ABCB11: variants seen among roughly 807,000 people sequenced by gnomAD.
ABCB11 encodes bile salt export pump.
In ABCB11, 95 loss-of-function variants were observed where a neutral mutation model predicts 148.0. That is an observed-to-expected ratio of 0.64 (90% CI 0.54 to 0.76). The LOEUF (loss-of-function observed/expected upper bound fraction) is 0.76. Among genes scored for constraint, ABCB11 ranks in the 30% least tolerant of loss-of-function variants. The pLI is 0.00. For synonymous variants in ABCB11, 591 were observed against 555.4 expected (o/e 1.06, Z -0.90); for missense variants, 1,523 against 1,617.8 (o/e 0.94, Z 1.01).
Position 168,958,077 on chromosome 2 carries a change from T to A in ABCB11, c.2230A>T (p.Ile744Phe). ...CATTCTGGAGCACTGAATTTCAGAATCCTCCTAACTGGGGCAGGTTCAACT... is the reference window on the plus strand; with the variant it reads ...CATTCTGGAGCACTGAATTTCAGAAACCTCCTAACTGGGGCAGGTTCAACT... ...EEVEPAPVRR[I>F]LKFSAPEWPY... Residue 744 changes from isoleucine (I) to phenylalanine (F), a missense_variant, in exon 19 of 28, where the codon ATT becomes TTT. Coordinates refer to ENST00000650372, the MANE Select transcript of ABCB11 (RefSeq NM_003742.4). 2.5e-6 allele frequency: 4 copies of A among 1,611,288 alleles called. No homozygotes were observed. Among genetic ancestry groups the A allele is most frequent in the Non-Finnish European group, 3.4e-6 (4 of 1,178,226 alleles).
chr2:168,949,250 A>G (rs1692458353), intron 19 of ABCB11, among the ~76,000 whole-genome samples: 1 of 151,646 alleles, frequency 6.6e-6, no homozygotes. Flanking sequence ...GTACAAGCAC[A>G]GATTTCTTAC....
intron 19 of ABCB11, among the ~76,000 whole-genome samples, chr2:168,946,682 G>T (rs1484470498): frequency 1.3e-5 from 2 of 151,504 alleles, no homozygotes; most frequent in African/African-American, 2.4e-5. Context: ...TATAATGATG[G>T]TCTATAGAAC....
chr2:169,020,902 A>T (rs1424092671), intron 1 of ABCB11, among the ~76,000 whole-genome samples: 2 of 152,246 alleles, frequency 1.3e-5, no homozygotes, highest in East Asian at 3.9e-4. Context: ...TTATACCCTC[A>T]AAAGGCTGTT....
chr2:168,926,084 T>C (rs1213394259), intron 26 of ABCB11, among the ~76,000 whole-genome samples: 6 of 152,290 alleles, frequency 3.9e-5, no homozygotes, highest in Non-Finnish European at 7.4e-5. Context: ...TAATCACTTA[T>C]AAAGAAAAAC....
intron 8 of ABCB11, among the ~76,000 whole-genome samples, chr2:168,992,917 A>G (rs763727065): frequency 6.6e-6 from 1 of 152,020 alleles, no homozygotes; most frequent in Non-Finnish European, 1.5e-5. Context: ...GTTAAATTCT[A>G]TTCTCATTTA....
chr2:168,965,368 G>T (rs972941151), intron 17 of ABCB11, among the ~76,000 whole-genome samples: 19 of 151,846 alleles, frequency 1.3e-4, no homozygotes, highest in Non-Finnish European at 2.4e-4. Context: ...AGTATTTAGT[G>T]CTGGGAGCTG....
In ABCB11 at chr2:168,930,019, A is replaced by AG. The variant is rs538286718; in HGVS notation, c.3411+645dup. On this transcript the variant is annotated intron_variant, in intron 25 of 27. Coordinates refer to ENST00000650372, the MANE Select transcript of ABCB11 (RefSeq NM_003742.4). ...TGGAGTGGGAGTGTAAGCATAAAGC[A>AG]GGGGGGTGGCTTTTTATTATAAATA... is the stretch of plus-strand genomic sequence containing the variant. 1.4e-4 allele frequency among the ~76,000 whole-genome samples: 21 copies of AG among 152,296 alleles called. 1 individual carries two copies. The East Asian group carries it at 3.9e-3, about 28-fold the overall frequency.
chr2:168,980,734 T>A (rs189627556), intron 10 of ABCB11, among the ~76,000 whole-genome samples: 24 of 152,232 alleles, frequency 1.6e-4, no homozygotes, highest in Middle Eastern at 3.4e-3. Context: ...GTGGTCAGGT[T>A]CCTGTGCAGA....
intron 9 of ABCB11, 122 bp from the exon 10 acceptor site, chr2:168,986,406 C>T (rs1694327021): frequency 1.2e-6 from 1 of 834,002 alleles, no homozygotes; most frequent in Admixed American, 2.3e-5. Context: ...CACAGAGCAG[C>T]TTCAGGGAGA....
chr2:168,958,044 T>C lies in ABCB11; in HGVS notation c.2263A>G (p.Met755Val). 1 of 1,611,272 alleles carries C rather than the reference T, an allele frequency of 6.2e-7. No individual in the cohort carries two copies. Among genetic ancestry groups the C allele is most frequent in the African/African-American group, 1.3e-5 (1 of 74,804 alleles). ...LKFSAPEWPYMLVGSVGAAVN... is the reference protein window; with the variant it reads ...LKFSAPEWPYVLVGSVGAAVN... Reference sequence around the variant, plus strand: ...GCTGCACCCACAGACCCTACCAGCATGTAGGGCCATTCTGGAGCACTGAAT... The same window carrying C: ...GCTGCACCCACAGACCCTACCAGCACGTAGGGCCATTCTGGAGCACTGAAT... Residue 755 changes from methionine (M) to valine (V), a missense_variant, in exon 19 of 28, where the codon ATG becomes GTG. Met to Val is a conservative substitution (Grantham distance 21). Transcript: ENST00000650372.
chr2:169,024,883 G>A (rs965449190), intron 1 of ABCB11, among the ~76,000 whole-genome samples: 2 of 152,114 alleles, frequency 1.3e-5, no homozygotes, highest in Non-Finnish European at 1.5e-5. Flanking sequence ...AGTAGTTTAT[G>A]AGGCTGGTTT....
chr2:169,025,271 T>C (rs1695663871), intron 1 of ABCB11, among the ~76,000 whole-genome samples: 1 of 152,224 alleles, frequency 6.6e-6, no homozygotes, highest in African/African-American at 2.4e-5. Flanking sequence ...TCTCAGATCC[T>C]GATACACCTG....
intron 2 of ABCB11, 185 bp downstream of exon 2, chr2:169,017,865 C>A: frequency 2.6e-6 from 2 of 759,914 alleles, no homozygotes; most frequent in South Asian, 2.7e-5. Context: ...TTACCTAGTG[C>A]TTTCAGATAT....
chr2:168,947,645 A>T, intron 19 of ABCB11, among the ~76,000 whole-genome samples: 1 of 151,834 alleles, frequency 6.6e-6, no homozygotes, highest in Non-Finnish European at 1.5e-5. Flanking sequence ...AGAAAGCATC[A>T]TGAGTTTACT....
intron 26 of ABCB11, among the ~76,000 whole-genome samples, chr2:168,925,954 T>A (rs56047343): frequency 3.1e-4 from 47 of 152,306 alleles, no homozygotes; most frequent in African/African-American, 1.0e-3. Context: ...CAAATAGTAA[T>A]TTCCATGTGC....
At chr2:168,999,096 TA>T (rs1367236121) in intron 5 of ABCB11, among the ~76,000 whole-genome samples, 1 of 152,028 alleles carries the variant, frequency 6.6e-6, no homozygotes, top group South Asian at 2.1e-4. Context: ...GGCATTTTTT[TA>T]ACAGCAAAAA....
intron 3 of ABCB11, among the ~76,000 whole-genome samples, chr2:169,014,953 A>G (rs1695308382): frequency 6.6e-6 from 1 of 152,012 alleles, no homozygotes; most frequent in Admixed American, 6.6e-5. Flanking sequence ...TACACCCTGG[A>G]CCTTGCTGTC....
At chr2:169,026,697 A>AT (rs1031054414) in intron 1 of ABCB11, among the ~76,000 whole-genome samples, 2 of 152,084 alleles carry the variant, frequency 1.3e-5, no homozygotes, top group African/African-American at 4.8e-5. Flanking sequence ...CTGGCAAATT[A>AT]TTTTTTTTAT....
intron 5 of ABCB11, among the ~76,000 whole-genome samples, chr2:169,012,740 A>T (rs1695224954): frequency 7.0e-6 from 1 of 143,268 alleles, no homozygotes; most frequent in South Asian, 2.3e-4. Context: ...CTCCATCTTA[A>T]AAAAAAAAAA....
Sources: allele counts gnomAD v4.1 joint callset (sites outside exome capture counted in the v4.1 genomes callset), GRCh38; gene constraint gnomAD v4.1.1; transcripts MANE v1.5; gene names NCBI Gene and HGNC (gene_info 2026-07-23, HGNC 2026-07-21).